Variants in C11orf65 observed in about 807,000 individuals in gnomAD.
C11orf65 encodes chromosome 11 open reading frame 65.
In C11orf65, 38 loss-of-function variants were observed where a neutral mutation model predicts 35.3. The observed-to-expected ratio is 1.08, with a 90% confidence interval of 0.83 to 1.41. The LOEUF is 1.41. Ranked by LOEUF, C11orf65 falls within the 40% of genes most tolerant of loss-of-function variation. The pLI is 0.00. For synonymous variants in C11orf65, 105 were observed against 114.4 expected (o/e 0.92, Z 0.53); for missense variants, 370 against 367.1 (o/e 1.01, Z -0.06).
At chr11:108,330,480 C>G (rs2136469875), downstream of C11orf65, 6 of 1,544,432 alleles carry the variant, frequency 3.9e-6, no homozygotes, top group Non-Finnish European at 5.4e-6. Context: ...ACATAAGCCC[C>G]TTGATGTCAG....
chr11:108,449,983 G>C (rs1276950088), intron 2 of C11orf65, among the ~76,000 whole-genome samples: 1 of 151,768 alleles, frequency 6.6e-6, no homozygotes, highest in East Asian at 1.9e-4. Flanking sequence ...GATATGAACA[G>C]ACACTCCTCA....
chr11:108,375,941 C>T (rs1190241952), intron 2 of C11orf65, among the ~76,000 whole-genome samples: 1 of 152,160 alleles, frequency 6.6e-6, no homozygotes, highest in African/African-American at 2.4e-5. Flanking sequence ...GCTAACTATC[C>T]TACATATATA....
rs777648248 is a variant in C11orf65 at position 108,345,890 on chromosome 11, G to A, written c.227-10598C>T. ...GAAGCGATTGGCTTATACGCGCAGT[G>A]TAGCTACTTCTTCTATTGGTAATCT... is the stretch of plus-strand genomic sequence containing the variant. On this transcript the variant is annotated intron_variant, in intron 2 of 3. Transcript: ENST00000524755. The A allele has an allele frequency of 3.7e-6, 6 of 1,613,586 alleles. No homozygotes were observed. Among genetic ancestry groups the A allele is most frequent in the Non-Finnish European group, 5.1e-6 (6 of 1,179,748 alleles).
At chr11:108,404,897 A>G (rs1202363046) in intron 6 of C11orf65, among the ~76,000 whole-genome samples, 1 of 152,174 alleles carries the variant, frequency 6.6e-6, no homozygotes, top group Non-Finnish European at 1.5e-5. Context: ...AATATTAGTT[A>G]TGATGGCCAC....
At chr11:108,400,406 G>A (rs925249644) in intron 6 of C11orf65, among the ~76,000 whole-genome samples, 2 of 152,082 alleles carry the variant, frequency 1.3e-5, no homozygotes, top group African/African-American at 2.4e-5. Flanking sequence ...TCCAATCAAG[G>A]TAAGGTCATC....
chr11:108,383,818 TC>T (rs1313535910), intron 8 of C11orf65, among the ~76,000 whole-genome samples: 1 of 152,076 alleles, frequency 6.6e-6, no homozygotes, highest in Non-Finnish European at 1.5e-5. Flanking sequence ...CCATCCTATA[TC>T]TTTCTTCTTT....
intron 3 of C11orf65, among the ~76,000 whole-genome samples, chr11:108,418,775 A>T (rs760426784): frequency 6.6e-6 from 1 of 152,124 alleles, no homozygotes; most frequent in South Asian, 2.1e-4. Context: ...GAAAAAAAAG[A>T]GGAGATGCAA....
intron 6 of C11orf65, chr11:108,317,652 T>TATATATATATATACACACACAC (rs1399501257): frequency 1.4e-4 from 17 of 117,448 alleles, no homozygotes; most frequent in African/African-American, 8.6e-4. Context: ...TATATATATA[T>TATATATATATATACACACACAC]ACACACACAC....
rs878853545 is a variant in C11orf65 at position 108,331,897 on chromosome 11, A to G, written c.300-330T>C. ...CTTACAGCTAATCTCTAGAATTTCAATGGATCACCCCCATCACACTTTGTT... is the reference window on the plus strand; with the variant it reads ...CTTACAGCTAATCTCTAGAATTTCAGTGGATCACCCCCATCACACTTTGTT... On this transcript the variant is annotated intron_variant, in intron 3 of 3. Transcript: ENST00000524755. 2 of 1,613,702 alleles carry G rather than the reference A, an allele frequency of 1.2e-6. No individual in the cohort carries two copies. The highest frequency in any genetic ancestry group is 1.3e-5 in the African/African-American group (1 of 74,934).
intron 3 of C11orf65, among the ~76,000 whole-genome samples, chr11:108,413,847 G>A (rs1054229561): frequency 5.3e-5 from 8 of 152,036 alleles, no homozygotes; most frequent in African/African-American, 1.4e-4. Flanking sequence ...CTCAAGAGAA[G>A]TTAAAAATAC....
chr11:108,379,622 A>G (rs1050030143), downstream of C11orf65, among the ~76,000 whole-genome samples: 9 of 152,004 alleles, frequency 5.9e-5, no homozygotes, highest in Non-Finnish European at 1.0e-4. Context: ...AACTTAAAGT[A>G]TAATAATAAT....
At chr11:108,454,964 A>G (rs2093395247) in intron 2 of C11orf65, among the ~76,000 whole-genome samples, 1 of 152,046 alleles carries the variant, frequency 6.6e-6, no homozygotes, top group Non-Finnish European at 1.5e-5. Context: ...GTGTAACATT[A>G]GGTTGTTTGA....
rs542008037 is a variant in C11orf65 at position 108,447,285 on chromosome 11, A to C, written c.81+14194T>G. On this transcript the variant is annotated intron_variant, in intron 2 of 8. Transcript: ENST00000393084. The stretch of plus-strand genomic sequence containing the variant: ...ACTCAGCTCTGCACCAAGCGGACCT[A>C]ATAGACATCTACAGAACTCTCCACC... 2.1e-4 allele frequency among the ~76,000 whole-genome samples: 32 copies of C among 152,276 alleles called. 1 individual carries two copies. The highest frequency in any genetic ancestry group is 1.3e-3 in the Admixed American group (20 of 15,290).
At chr11:108,324,101 C>T (rs935819566) in intron 6 of C11orf65, among the ~76,000 whole-genome samples, 9 of 152,218 alleles carry the variant, frequency 5.9e-5, no homozygotes, top group Admixed American at 5.9e-4. Context: ...ATTTACATAG[C>T]ATTTACATTA....
chr11:108,393,978 G>A (rs1446687554), intron 6 of C11orf65, among the ~76,000 whole-genome samples: 1 of 151,968 alleles, frequency 6.6e-6, no homozygotes, highest in Non-Finnish European at 1.5e-5. Context: ...TCAGGAGTTC[G>A]AGACCAGCCT....
At chr11:108,363,225 T>C (rs1415742080) in intron 2 of C11orf65, among the ~76,000 whole-genome samples, 1 of 152,174 alleles carries the variant, frequency 6.6e-6, no homozygotes, top group African/African-American at 2.4e-5. Flanking sequence ...TTTCCTCTCT[T>C]GGATTCATTT....
chr11:108,348,297 TAAG>T (rs771855576), intron 2 of C11orf65, among the ~76,000 whole-genome samples: 4 of 151,418 alleles, frequency 2.6e-5, no homozygotes, highest in Admixed American at 6.6e-5. Flanking sequence ...TTGTAAATAA[TAAG>T]AAAGTGATGA....
chr11:108,327,522 CT>C (rs553744385), downstream of C11orf65: 101 of 736,186 alleles, frequency 1.4e-4, no homozygotes, highest in Middle Eastern at 1.6e-3. Context: ...TGAGGAAAAA[CT>C]TTTTTTTTCC....
intron 2 of C11orf65, among the ~76,000 whole-genome samples, chr11:108,452,050 C>G (rs536012678): frequency 2.6e-4 from 39 of 152,226 alleles, no homozygotes; most frequent in Admixed American, 2.0e-3. Context: ...ACCATAAAAA[C>G]CCTAGAAGAA....
Sources: allele counts gnomAD v4.1 joint callset (sites outside exome capture counted in the v4.1 genomes callset), GRCh38; gene constraint gnomAD v4.1.1; transcripts MANE v1.5; gene names NCBI Gene and HGNC (gene_info 2026-07-23, HGNC 2026-07-21).